Variants in HFM1 observed in about 807,000 individuals in gnomAD.
HFM1 encodes the protein helicase for meiosis 1.
HFM1 carries 169 observed loss-of-function variants against 192.1 expected under a neutral mutation model. That is an observed-to-expected ratio of 0.88 (90% CI 0.78 to 1.00). The LOEUF (loss-of-function observed/expected upper bound fraction) is 1.00, where lower values mean the gene tolerates loss of function less well. Ranked by LOEUF, HFM1 falls within the 50% of genes least tolerant of loss-of-function variation. The pLI is 0.00. For synonymous variants in HFM1, 525 were observed against 537.8 expected, an observed-to-expected ratio of 0.98 and a Z score of 0.33; for missense variants, 1,661 against 1,668.0, an observed-to-expected ratio of 1.00 and a Z score of 0.07.
intron 4 of HFM1, 99 bp from the exon 5 acceptor site, chr1:91,385,933 G>T: frequency 1.1e-6 from 1 of 937,824 alleles, no homozygotes; most frequent in Non-Finnish European, 1.6e-6. Context: ...AACACTCATA[G>T]ATTATGGTTT....
In HFM1 at chr1:91,309,191, T is replaced by C. The variant is rs144585862; in HGVS notation, c.3391+4158A>G. ...GCCAATACTATTCAGAGAGCATGTC[T>C]AATCATGCTGCTGCTCTCAAATTCC... On this transcript the variant is annotated intron_variant, in intron 30 of 38. Coordinates refer to ENST00000370425, the MANE Select transcript of HFM1 (RefSeq NM_001017975.6). Among the ~76,000 whole-genome samples, 554 of 152,330 alleles carry C rather than the reference T, an allele frequency of 3.6e-3. 1 individual carries two copies. The highest frequency in any genetic ancestry group is 0.013 in the African/African-American group (527 of 41,576).
At chr1:91,336,299 C>T (rs1352020409) in intron 20 of HFM1, among the ~76,000 whole-genome samples, 1 of 146,376 alleles carries the variant, frequency 6.8e-6, no homozygotes, top group East Asian at 2.2e-4. Context: ...CTAAAAACAT[C>T]CCTTCCTCCA....
At chr1:91,377,804 C>G (rs1429619267) in intron 11 of HFM1, 5 of 519,398 alleles carry the variant, frequency 9.6e-6, no homozygotes, top group Non-Finnish European at 1.3e-5. Context: ...TACTAGCAAA[C>G]GAGATGTCCA....
chr1:91,357,320 T>G (rs1398066561), intron 13 of HFM1, among the ~76,000 whole-genome samples: 2 of 152,216 alleles, frequency 1.3e-5, no homozygotes, highest in African/African-American at 4.8e-5. Flanking sequence ...CACTGTGATA[T>G]ATCACATTAA....
chr1:91,369,885 G>A (rs1013035288), intron 13 of HFM1, among the ~76,000 whole-genome samples: 20 of 151,788 alleles, frequency 1.3e-4, no homozygotes, highest in African/African-American at 3.6e-4. Flanking sequence ...TCAAATAGAC[G>A]CAATAAAAAA....
At chr1:91,302,684 C>CA (rs1199413014) in intron 30 of HFM1, among the ~76,000 whole-genome samples, 2 of 140,356 alleles carry the variant, frequency 1.4e-5, no homozygotes, top group African/African-American at 2.7e-5. Flanking sequence ...ATCGCAAGGA[C>CA]AAAAAACCAA....
At chr1:91,305,430 T>C (rs1649455197) in intron 30 of HFM1, among the ~76,000 whole-genome samples, 1 of 152,328 alleles carries the variant, frequency 6.6e-6, no homozygotes, top group Admixed American at 6.5e-5. Flanking sequence ...TTGATGCTAT[T>C]GTACAATTGT....
intron 21 of HFM1, 48 bp downstream of exon 21, chr1:91,324,627 T>C (rs760142284): frequency 2.4e-6 from 2 of 838,984 alleles, no homozygotes; most frequent in Admixed American, 4.5e-5. Context: ...CAAATATTAT[T>C]TTATACTATA....
chr1:91,358,558 T>A (rs533683868), intron 13 of HFM1, among the ~76,000 whole-genome samples: 1 of 152,288 alleles, frequency 6.6e-6, no homozygotes, highest in South Asian at 2.1e-4. Flanking sequence ...CAATAGTTTC[T>A]TCTATAAATG....
chr1:91,315,213 T>C (rs1220631977), intron 28 of HFM1, among the ~76,000 whole-genome samples: 2 of 152,206 alleles, frequency 1.3e-5, no homozygotes, highest in African/African-American at 4.8e-5. Flanking sequence ...AATAATTCAA[T>C]ATTTGGAACC....
intron 36 of HFM1, among the ~76,000 whole-genome samples, chr1:91,265,631 G>A (rs903350889): frequency 1.3e-5 from 2 of 152,152 alleles, no homozygotes; most frequent in Non-Finnish European, 2.9e-5. Context: ...CTTTGAGCAC[G>A]GGATACCTTT....
At chr1:91,374,900 C>G (rs891835623) in intron 13 of HFM1, among the ~76,000 whole-genome samples, 1 of 152,062 alleles carries the variant, frequency 6.6e-6, no homozygotes, top group Non-Finnish European at 1.5e-5. Context: ...CTCAGGTATA[C>G]TCACTCGAAT....
chr1:91,292,930 C>G (rs1439605733), intron 30 of HFM1, among the ~76,000 whole-genome samples: 2 of 151,982 alleles, frequency 1.3e-5, no homozygotes, highest in African/African-American at 4.8e-5. Context: ...TTTGACAAAC[C>G]CGACAAAAAC....
intron 30 of HFM1, among the ~76,000 whole-genome samples, chr1:91,284,944 T>C (rs1557777388): frequency 6.6e-6 from 1 of 152,182 alleles, no homozygotes; most frequent in Non-Finnish European, 1.5e-5. Flanking sequence ...TTCCACATGT[T>C]GTGGGAGAGA....
chr1:91,297,275 G>T (rs2100996241), intron 30 of HFM1, among the ~76,000 whole-genome samples: 1 of 152,332 alleles, frequency 6.6e-6, no homozygotes, highest in Non-Finnish European at 1.5e-5. Context: ...CGCTTGAGTA[G>T]GTAAACAAAG....
rs955991660 is a variant in HFM1 at position 91,396,141 on chromosome 1, C to G, written c.184+152G>C. The G allele has an allele frequency of 2.3e-5, 10 of 436,658 alleles. No individual in the cohort carries two copies. The Admixed American group carries it at 4.3e-4, about 19-fold the overall frequency. 27.0% of individuals were successfully genotyped at this position (436,658 alleles called of 1,614,324 possible). ...CCTGAGTATCTGAAATTTCTGAAAT[C>G]AATACCCAATATGAGTATACATATT... On this transcript the variant is annotated intron_variant, in intron 3 of 38. Coordinates refer to ENST00000370425, the MANE Select transcript of HFM1 (RefSeq NM_001017975.6).
chr1:91,398,438 C>T (rs904271824), intron 2 of HFM1, among the ~76,000 whole-genome samples: 1 of 152,190 alleles, frequency 6.6e-6, no homozygotes, highest in Non-Finnish European at 1.5e-5. Flanking sequence ...AAGGCTCTTA[C>T]TAACTTGTTT....
At chr1:91,295,329 T>C (rs556828871) in intron 30 of HFM1, among the ~76,000 whole-genome samples, 25 of 152,192 alleles carry the variant, frequency 1.6e-4, no homozygotes, top group Non-Finnish European at 3.1e-4. Context: ...CTGAAATTTA[T>C]TGTTTCACAA....
intron 13 of HFM1, among the ~76,000 whole-genome samples, chr1:91,358,550 A>G (rs1217734270): frequency 1.3e-5 from 2 of 152,102 alleles, no homozygotes; most frequent in Non-Finnish European, 2.9e-5. Context: ...TGGGGAAACA[A>G]TAGTTTCTTC....
Sources: gnomAD v4.1 joint callset for allele counts (sites outside exome capture counted in the v4.1 genomes callset) on GRCh38, gnomAD v4.1.1 for gene constraint, MANE v1.5 for transcripts, NCBI Gene and HGNC (gene_info 2026-07-23, HGNC 2026-07-21) for gene names.